Variants in ANO2 observed in about 807,000 individuals in gnomAD.
ANO2 encodes the protein anoctamin 2, also known as anoctamin-2.
In ANO2, 101 loss-of-function variants were observed where a neutral mutation model predicts 124.2. The ratio of observed to expected loss-of-function variants is 0.81; its 90% CI spans 0.69 to 0.96. The LOEUF (loss-of-function observed/expected upper bound fraction) is 0.96, where lower values mean the gene tolerates loss of function less well. Ranked by LOEUF, ANO2 falls within the 40% of genes least tolerant of loss-of-function variation. ANO2 has a pLI of 0.00. For synonymous variants in ANO2, 486 were observed against 482.5 expected, an observed-to-expected ratio of 1.01 and a Z score of -0.09; for missense variants, 1,293 against 1,274.5, an observed-to-expected ratio of 1.01 and a Z score of -0.22.
intron 14 of ANO2, among the ~76,000 whole-genome samples, chr12:5,670,773 C>G (rs1456268295): frequency 4.6e-5 from 7 of 152,124 alleles, no homozygotes; most frequent in Non-Finnish European, 1.5e-5. Context: ...CTCCTGGTCT[C>G]AAGTGATCCT....
At chr12:5,815,578 G>T (rs1953580872) in intron 7 of ANO2, among the ~76,000 whole-genome samples, 1 of 152,164 alleles carries the variant, frequency 6.6e-6, no homozygotes, top group African/African-American at 2.4e-5. Flanking sequence ...TTTCTGTACA[G>T]AAAGATATTG....
intron 10 of ANO2, among the ~76,000 whole-genome samples, chr12:5,763,036 T>A (rs1366731738): frequency 6.6e-6 from 1 of 152,002 alleles, no homozygotes; most frequent in Non-Finnish European, 1.5e-5. Flanking sequence ...GTTAAATGAA[T>A]GATATAGTAA....
At chr12:5,664,925 A>C (rs1473712973) in intron 14 of ANO2, among the ~76,000 whole-genome samples, 1 of 152,206 alleles carries the variant, frequency 6.6e-6, no homozygotes, top group African/African-American at 2.4e-5. Context: ...TTTTGGTGGC[A>C]AAATACCCAA....
At chr12:5,588,089 T>C (rs1185558499) in intron 20 of ANO2, among the ~76,000 whole-genome samples, 2 of 148,142 alleles carry the variant, frequency 1.4e-5, no homozygotes, top group East Asian at 4.0e-4. Flanking sequence ...GATCACCATG[T>C]CAAGCACACC....
intron 14 of ANO2, among the ~76,000 whole-genome samples, chr12:5,687,384 T>C (rs1948750599): frequency 2.0e-5 from 3 of 152,242 alleles, no homozygotes; most frequent in Admixed American, 2.0e-4. Flanking sequence ...GAAGTGAAAG[T>C]GAGTGCAACT....
chr12:5,831,288 G>A (rs533294651), intron 5 of ANO2, among the ~76,000 whole-genome samples: 33 of 152,322 alleles, frequency 2.2e-4, no homozygotes, highest in Admixed American at 7.8e-4. Context: ...GGTGAAGCGC[G>A]TGCTTCTGGT....
chr12:5,817,026 A>T (rs908971110), intron 7 of ANO2, among the ~76,000 whole-genome samples: 1 of 152,190 alleles, frequency 6.6e-6, no homozygotes, highest in Non-Finnish European at 1.5e-5. Context: ...CAACAACAAA[A>T]TCCTGACATT....
At chr12:5,723,320 G>A (rs1285680572) in intron 14 of ANO2, among the ~76,000 whole-genome samples, 35 of 152,314 alleles carry the variant, frequency 2.3e-4, no homozygotes, top group African/African-American at 1.7e-4. Context: ...TGCTAGGCAA[G>A]GACTGTATTT....
intron 10 of ANO2, among the ~76,000 whole-genome samples, chr12:5,795,967 C>G (rs1199909482): frequency 6.6e-6 from 1 of 152,154 alleles, no homozygotes; most frequent in Non-Finnish European, 1.5e-5. Flanking sequence ...TTCACTCTAG[C>G]TTAGGAGTCA....
chr12:5,603,720 C>T (rs1944056181), intron 19 of ANO2, among the ~76,000 whole-genome samples: 1 of 151,862 alleles, frequency 6.6e-6, no homozygotes, highest in Non-Finnish European at 1.5e-5. Flanking sequence ...CCGAGGCGGG[C>T]AGATCACGAG....
rs1565660917 is a variant in ANO2, at chr12:5,776,684, C to T, written c.1055+22823G>A. The stretch of plus-strand genomic sequence containing the variant: ...AATGTGAGTAACCTTTGCCTGGACT[C>T]GGCCATGAGCTTTCTCTTAGCATAT... On this transcript the variant is annotated intron_variant, in intron 10 of 24. Transcript: ENST00000682330. Among the ~76,000 whole-genome samples, 3 of 152,206 alleles carry T rather than the reference C, an allele frequency of 2.0e-5. No individual in the cohort carries two copies. The South Asian group carries it at 6.2e-4, about 32-fold the overall frequency.
chr12:5,811,581 G>A (rs1425926352), intron 7 of ANO2, among the ~76,000 whole-genome samples: 1 of 152,150 alleles, frequency 6.6e-6, no homozygotes, highest in Non-Finnish European at 1.5e-5. Flanking sequence ...GTAATTTTCT[G>A]TCCATAAAAA....
At chr12:5,637,007 G>T (rs2136940196) in intron 15 of ANO2, among the ~76,000 whole-genome samples, 1 of 151,750 alleles carries the variant, frequency 6.6e-6, no homozygotes, top group South Asian at 2.1e-4. Context: ...GTGTGTGTGG[G>T]TGTGGGGAGA....
chr12:5,741,891 G>T (rs1307549629), intron 12 of ANO2, among the ~76,000 whole-genome samples: 1 of 152,190 alleles, frequency 6.6e-6, no homozygotes, highest in Non-Finnish European at 1.5e-5. Flanking sequence ...ACATTTACCT[G>T]CCATGGGATC....
intron 19 of ANO2, among the ~76,000 whole-genome samples, chr12:5,604,504 G>C (rs190170041): frequency 2.0e-5 from 3 of 152,272 alleles, no homozygotes; most frequent in Admixed American, 2.0e-4. Context: ...AAAGTTATGG[G>C]ATGGGATAGA....
At position 5,827,440 on chromosome 12, in the gene ANO2, T is replaced by C. The variant is rs187923581; in HGVS notation, c.892+329A>G. Reference sequence around the variant, plus strand: ...CTTTTCTTGGGTTATTAGAAACTATTGGAAATGGTGAAAAACAGAGGAGCC... The same window carrying C: ...CTTTTCTTGGGTTATTAGAAACTATCGGAAATGGTGAAAAACAGAGGAGCC... On this transcript the variant is annotated intron_variant, in intron 7 of 24. Coordinates refer to ENST00000682330, the MANE Select transcript of ANO2 (RefSeq NM_001364791.2). Among the ~76,000 whole-genome samples, 392 of 152,114 alleles carry C rather than the reference T, an allele frequency of 2.6e-3. 8 individuals are homozygous for C. The highest frequency in any genetic ancestry group is 1.9e-3 in the East Asian group (10 of 5,172).
chr12:5,944,198 G>A (rs907824858), intron 1 of ANO2, among the ~76,000 whole-genome samples: 2 of 152,196 alleles, frequency 1.3e-5, no homozygotes, highest in Admixed American at 1.3e-4. Context: ...TCTGATGCCA[G>A]GTTCCAAGGA....
intron 14 of ANO2, among the ~76,000 whole-genome samples, chr12:5,732,169 C>G (rs1424123236): frequency 6.6e-6 from 1 of 152,018 alleles, no homozygotes; most frequent in African/African-American, 2.4e-5. Context: ...AGCAAGCGTT[C>G]GATAAGGATT....
chr12:5,937,703 T>C lies in ANO2; in HGVS notation c.22+7493A>G, dbSNP rs190326362. Among the ~76,000 whole-genome samples the C allele has an allele frequency of 3.9e-5, 6 of 152,276 alleles. No individual in the cohort carries two copies. In the East Asian group the frequency reaches 1.2e-3, roughly 29 times the overall value. On this transcript the variant is annotated intron_variant, in intron 1 of 24. Transcript: ENST00000682330. ...CTATGAGCTGATCACTTTGAGCTTA[T>C]GTAGGAGTTTGCTGTTGTTGCCAGG... is the stretch of plus-strand genomic sequence containing the variant.
Sources: gnomAD v4.1 joint callset for allele counts (sites outside exome capture counted in the v4.1 genomes callset) on GRCh38, gnomAD v4.1.1 for gene constraint, MANE v1.5 for transcripts, NCBI Gene and HGNC (gene_info 2026-07-23, HGNC 2026-07-21) for gene names.